The following CHKA variants were observed in gnomAD, a reference collection of about 807,000 sequenced individuals.
CHKA encodes CHETK-alpha.
In CHKA, 34 loss-of-function variants were observed where a neutral mutation model predicts 60.1. The ratio of observed to expected loss-of-function variants is 0.57; its 90% confidence interval spans 0.43 to 0.75. The LOEUF (loss-of-function observed/expected upper bound fraction) is 0.75. Ranked by LOEUF, CHKA falls within the 30% of genes least tolerant of loss-of-function variation. The pLI is 0.00. For synonymous variants in CHKA, 217 were observed against 223.1 expected (o/e 0.97, Z 0.24); for missense variants, 563 against 561.3 (o/e 1.00, Z -0.03).
intron 4 of CHKA, among the ~76,000 whole-genome samples, chr11:68,074,499 A>G (rs748390267): frequency 3.3e-5 from 5 of 152,236 alleles, no homozygotes; most frequent in Admixed American, 6.5e-5. Context: ...AGTTTCATAT[A>G]TATTTCAAAT....
At chr11:68,072,783 G>A (rs1250823796) in intron 4 of CHKA, among the ~76,000 whole-genome samples, 1 of 151,968 alleles carries the variant, frequency 6.6e-6, no homozygotes, top group African/African-American at 2.4e-5. Context: ...CTTGAAGCCA[G>A]GAGAGTTCAA....
intron 2 of CHKA, 33 bp downstream of exon 2, chr11:68,096,986 A>T: frequency 6.9e-7 from 1 of 1,454,238 alleles, no homozygotes; most frequent in Non-Finnish European, 9.6e-7. Context: ...TGTTAACAGG[A>T]TCCCCCCCTC....
intron 2 of CHKA, among the ~76,000 whole-genome samples, chr11:68,091,100 T>C (rs1857335118): frequency 6.6e-6 from 1 of 152,176 alleles, no homozygotes; most frequent in African/African-American, 2.4e-5. Context: ...CTTCCCAGTA[T>C]CAGAAAGGAA....
intron 1 of CHKA, among the ~76,000 whole-genome samples, chr11:68,120,089 G>A (rs1258235100): frequency 2.0e-5 from 3 of 151,988 alleles, no homozygotes; most frequent in Non-Finnish European, 4.4e-5. Flanking sequence ...TTAGCCGGGC[G>A]TGGTGGCGTG....
intron 11 of CHKA, among the ~76,000 whole-genome samples, chr11:68,060,152 G>A (rs376781290): frequency 1.4e-5 from 2 of 141,350 alleles, no homozygotes; most frequent in Admixed American, 7.1e-5. Flanking sequence ...TCAGCCTCCC[G>A]AGTTAGCTGG....
chr11:68,084,372 G>GTA lies in CHKA; in HGVS notation c.463-2917_463-2916dup, dbSNP rs552248577. ...TGTATATATATATACACATATATACGTATATGTGTATATATATACACACAT... is the reference window on the plus strand; with the variant it reads ...TGTATATATATATACACATATATACGTATATATGTGTATATATATACACACAT... On this transcript the variant is annotated intron_variant, in intron 2 of 11. Coordinates refer to ENST00000265689, the MANE Select transcript of CHKA (RefSeq NM_001277.3). 2.1e-3 allele frequency among the ~76,000 whole-genome samples: 258 copies of GTA among 124,858 alleles called. 1 individual carries two copies. The highest frequency in any genetic ancestry group is 3.1e-3 in the African/African-American group (105 of 34,006). The allele number at this position is 124,858 out of a possible 152,430, so 81.9% of individuals were successfully genotyped here. A position where few individuals can be genotyped will look rare whatever the true frequency, so the allele number is the denominator to read the frequency against.
chr11:68,065,747 G>T, intron 9 of CHKA, 39 bp downstream of exon 9: 1 of 1,305,854 alleles, frequency 7.7e-7, no homozygotes, highest in Non-Finnish European at 1.1e-6. Context: ...AAATTGACAT[G>T]TAATTTTCCT....
At chr11:68,061,252 G>A (rs184830346) in intron 11 of CHKA, among the ~76,000 whole-genome samples, 109 of 151,756 alleles carry the variant, frequency 7.2e-4, no homozygotes, top group Admixed American at 1.3e-3. Flanking sequence ...GATTACAGGC[G>A]CCCGCCACCA....
rs1358571205 is a variant in CHKA at position 68,074,861 on chromosome 11, A to C, written c.517-31T>G. The C allele has an allele frequency of 3.7e-6, 6 of 1,604,228 alleles. No homozygotes were observed. In the African/African-American group the frequency reaches 8.0e-5, roughly 21 times the overall value. The stretch of plus-strand genomic sequence containing the variant: ...ACAGATGGCAACAAATCAGGTGTTT[A>C]CTGAGTGTTTGCTAAGCGCCAGGCA... On this transcript the variant is annotated intron_variant, in intron 3 of 11. Coordinates refer to ENST00000265689, the MANE Select transcript of CHKA (RefSeq NM_001277.3).
intron 3 of CHKA, among the ~76,000 whole-genome samples, chr11:68,080,994 G>A (rs909428885): frequency 1.3e-5 from 2 of 152,212 alleles, no homozygotes; most frequent in African/African-American, 2.4e-5. Flanking sequence ...TGGAAAATGG[G>A]TGGCCACCAA....
chr11:68,072,194 C>G (rs977809856), intron 4 of CHKA, among the ~76,000 whole-genome samples: 21 of 152,086 alleles, frequency 1.4e-4, no homozygotes, highest in African/African-American at 5.1e-4. Flanking sequence ...TCTCACATGC[C>G]CTTTGAAAGA....
At chr11:68,076,095 T>A (rs1469282823) in intron 3 of CHKA, among the ~76,000 whole-genome samples, 3 of 152,234 alleles carry the variant, frequency 2.0e-5, no homozygotes, top group South Asian at 4.1e-4. Context: ...TTGGTCACTT[T>A]TACATTTTGT....
At chr11:68,065,371 T>C (rs1856407103) in intron 9 of CHKA, among the ~76,000 whole-genome samples, 1 of 152,194 alleles carries the variant, frequency 6.6e-6, no homozygotes, top group African/African-American at 2.4e-5. Flanking sequence ...TAACATTTTT[T>C]AACATAAACC....
At chr11:68,073,425 G>A (rs1423539262) in intron 4 of CHKA, among the ~76,000 whole-genome samples, 1 of 152,126 alleles carries the variant, frequency 6.6e-6, no homozygotes, top group Non-Finnish European at 1.5e-5. Context: ...AGGCCAAGGC[G>A]GGTGGATCAC....
At chr11:68,117,125 G>A (rs1212278257) in intron 1 of CHKA, among the ~76,000 whole-genome samples, 7 of 152,258 alleles carry the variant, frequency 4.6e-5, no homozygotes, top group South Asian at 2.1e-4. Flanking sequence ...AGGCCTGCAT[G>A]TACAAAGTGC....
At chr11:68,104,323 G>A (rs1441065806) in intron 1 of CHKA, among the ~76,000 whole-genome samples, 4 of 152,104 alleles carry the variant, frequency 2.6e-5, no homozygotes, top group East Asian at 3.9e-4. Flanking sequence ...TACCAGAGGC[G>A]AGGGGAGGGG....
intron 3 of CHKA, among the ~76,000 whole-genome samples, chr11:68,080,292 T>C (rs763531002): frequency 1.3e-5 from 2 of 152,138 alleles, no homozygotes; most frequent in Non-Finnish European, 2.9e-5. Context: ...GGAAAAAATA[T>C]CATCACTTTC....
At chr11:68,100,604 C>CATACATAA (rs574062285) in intron 1 of CHKA, among the ~76,000 whole-genome samples, 138 of 65,542 alleles carry the variant, frequency 2.1e-3, no homozygotes, top group African/African-American at 5.7e-3. Flanking sequence ...TAAATAAATA[C>CATACATAA]ATAAATAAAT....
intron 1 of CHKA, among the ~76,000 whole-genome samples, chr11:68,099,643 C>T (rs557058385): frequency 1.3e-5 from 2 of 152,324 alleles, no homozygotes; most frequent in African/African-American, 4.8e-5. Context: ...TTAAACTTGG[C>T]GTGGCGCCTC....
Sources: allele counts gnomAD v4.1 joint callset (sites outside exome capture counted in the v4.1 genomes callset), GRCh38; gene constraint gnomAD v4.1.1; transcripts MANE v1.5; gene names NCBI Gene and HGNC (gene_info 2026-07-23, HGNC 2026-07-21).